Variants in XIRP2 observed in about 807,000 individuals in gnomAD.
XIRP2 encodes the protein xin actin binding repeat containing 2.
XIRP2 carries 236 observed loss-of-function variants against 277.0 expected under a neutral mutation model. The observed-to-expected ratio is 0.85, with a 90% CI of 0.77 to 0.95. The LOEUF is 0.95. XIRP2 is among the 40% of genes least tolerant of loss of function. The pLI is 0.00. For missense variants in XIRP2, 4,640 were observed against 4,157.5 expected, an observed-to-expected ratio of 1.12 and a Z score of -3.19; for synonymous variants, 1,490 against 1,416.5, an observed-to-expected ratio of 1.05 and a Z score of -1.17.
At chr2:167,049,039 A>C (rs909907405) in intron 2 of XIRP2, among the ~76,000 whole-genome samples, 1 of 151,698 alleles carries the variant, frequency 6.6e-6, no homozygotes, top group African/African-American at 2.4e-5. Flanking sequence ...TCCCTACCTA[A>C]GGGTAGGCAA....
At chr2:166,939,699 C>CAAAA (rs796839379) in intron 2 of XIRP2, among the ~76,000 whole-genome samples, 1 of 120,474 alleles carries the variant, frequency 8.3e-6, no homozygotes, top group Non-Finnish European at 1.7e-5. Context: ...AAAAAAAAAA[C>CAAAA]AAAAAACAAA....
chr2:167,258,574 A>G lies in XIRP2; in HGVS notation c.*757A>G. On this transcript the variant is annotated 3_prime_UTR_variant, in exon 11 of 11. Transcript: ENST00000409195. ...GTGCTGAAAAGGAGAAAAATGAAAA[A>G]ACTAACCAAACTAATGGTGCAGAAG... 6.2e-7 allele frequency: 1 copy of G among 1,613,058 alleles called. No individual in the cohort carries two copies. The highest frequency in any genetic ancestry group is 1.3e-5 in the African/African-American group (1 of 74,944).
At chr2:167,235,485 C>T (rs1204016747) in intron 5 of XIRP2, among the ~76,000 whole-genome samples, 1 of 151,904 alleles carries the variant, frequency 6.6e-6, no homozygotes, top group African/African-American at 2.4e-5. Context: ...TACTCCTTGA[C>T]ATTTTATTGG....
chr2:167,057,731 AC>A (rs1207569559), intron 2 of XIRP2, among the ~76,000 whole-genome samples: 8 of 152,182 alleles, frequency 5.3e-5, no homozygotes, highest in African/African-American at 1.9e-4. Flanking sequence ...AATAGAGACA[AC>A]CATAAATCCT....
rs746007278 is a variant in XIRP2 at position 167,251,350 on chromosome 2, C to T, written c.9958C>T (p.Gln3320Ter). 6.2e-7 allele frequency: 1 copy of T among 1,613,512 alleles called. No homozygotes were observed. The highest frequency in any genetic ancestry group is 8.5e-7 in the Non-Finnish European group (1 of 1,179,646). The change falls in exon 9 of 11, where the codon CAA (glutamine) becomes TAA (stop). Residue 3320 changes from glutamine (Q) to a stop codon, truncating the protein, a stop_gained. Transcript: ENST00000409195. LOFTEE classifies it high-confidence loss of function. Reference sequence around the variant, plus strand: ...ATATGAAGCGGCCAACCGAACTGTTCAAATGGCTGAAAATTTCGTGAATGA... The same window carrying T: ...ATATGAAGCGGCCAACCGAACTGTTTAAATGGCTGAAAATTTCGTGAATGA... ...QRYEAANRTV[Q>*]MAENFVNDPE...
intron 2 of XIRP2, among the ~76,000 whole-genome samples, chr2:167,105,639 A>G (rs1690597899): frequency 6.6e-6 from 1 of 151,886 alleles, no homozygotes; most frequent in African/African-American, 2.4e-5. Context: ...AGGTTCTTGT[A>G]TGAATATGAA....
rs1574162683 is a variant in XIRP2 at position 167,013,331 on chromosome 2, A to T, written c.408+109441A>T. Among the ~76,000 whole-genome samples, 3 of 151,542 alleles carry T rather than the reference A, an allele frequency of 2.0e-5. No individual in the cohort carries two copies. In the South Asian group the frequency reaches 6.2e-4, roughly 31 times the overall value. On this transcript the variant is annotated intron_variant, in intron 2 of 10. Transcript: ENST00000409195. ...GTATATTATTTTTAATGTAGAGCAC[A>T]TAGGAAAAAAACAATTCTAGACTGA...
chr2:167,002,197 T>C (rs1687392261), intron 2 of XIRP2, among the ~76,000 whole-genome samples: 1 of 152,062 alleles, frequency 6.6e-6, no homozygotes, highest in Admixed American at 6.6e-5. Flanking sequence ...AATTTTAAAA[T>C]CAGATTTATT....
chr2:167,034,764 T>A (rs1350100424), intron 2 of XIRP2, among the ~76,000 whole-genome samples: 1 of 152,204 alleles, frequency 6.6e-6, no homozygotes, highest in Non-Finnish European at 1.5e-5. Flanking sequence ...ACGCACCCAA[T>A]GCTGGATCAC....
chr2:167,257,411 A>G (rs1230910118), intron 10 of XIRP2, among the ~76,000 whole-genome samples: 1 of 151,938 alleles, frequency 6.6e-6, no homozygotes, highest in Non-Finnish European at 1.5e-5. Flanking sequence ...CAATTTGTTA[A>G]TCTCCTTAAA....
intron 3 of XIRP2, among the ~76,000 whole-genome samples, chr2:167,203,601 T>G (rs1039705779): frequency 9.9e-5 from 15 of 152,200 alleles, no homozygotes; most frequent in African/African-American, 3.6e-4. Flanking sequence ...CTTCTCCATG[T>G]TTTTTAAGAA....
At chr2:167,226,470 A>G (rs1176126771) in intron 5 of XIRP2, among the ~76,000 whole-genome samples, 1 of 152,210 alleles carries the variant, frequency 6.6e-6, no homozygotes, top group Non-Finnish European at 1.5e-5. Context: ...TGCTCAAGTT[A>G]TGAAGTAAAT....
rs1238854525 is a variant in XIRP2, at chr2:167,246,085, A to C, written c.4693A>C (p.Ile1565Leu). 2 of 1,613,714 alleles carry C rather than the reference A, an allele frequency of 1.2e-6. No individual in the cohort carries two copies. The highest frequency in any genetic ancestry group is 4.5e-5 in the East Asian group (2 of 44,834). ...TLEDLYSQKV[I>L]QAPGIIIEAD... ...AGAAGATCTCTACTCTCAAAAAGTT[A>C]TCCAGGCTCCTGGAATCATCATTGA... The change falls in exon 9 of 11, where the codon ATC (isoleucine) becomes CTC (leucine). Residue 1565 changes from isoleucine to leucine, a missense_variant. Physicochemically the swap from Ile to Leu is conservative, Grantham distance 5. Coordinates refer to ENST00000409195, the MANE Select transcript of XIRP2 (RefSeq NM_152381.6).
chr2:167,219,932 C>T (rs1264853002), intron 5 of XIRP2, among the ~76,000 whole-genome samples: 1 of 152,080 alleles, frequency 6.6e-6, no homozygotes, highest in East Asian at 1.9e-4. Context: ...AGAAAACCCC[C>T]CAAAAATGGC....
intron 2 of XIRP2, among the ~76,000 whole-genome samples, chr2:167,110,625 CT>C (rs1690725950): frequency 6.6e-6 from 1 of 152,022 alleles, no homozygotes; most frequent in African/African-American, 2.4e-5. Context: ...CAGCTTTGTT[CT>C]TTTTGCTTTG....
At position 167,258,082 on chromosome 2, in the gene XIRP2, A is replaced by G; in HGVS notation, c.*265A>G. On this transcript the variant is annotated 3_prime_UTR_variant, in exon 11 of 11. Transcript: ENST00000409195. ...CCCTTGTACCTGGAGATCGTAATGA[A>G]CATTTAGATGCTGGTAACAGTGAAG... The G allele has an allele frequency of 6.2e-7, 1 of 1,613,128 alleles. No individual in the cohort carries two copies. Among genetic ancestry groups the G allele is most frequent in the Non-Finnish European group, 8.5e-7 (1 of 1,179,546 alleles).
chr2:167,051,993 G>T (rs1688925337), intron 2 of XIRP2, among the ~76,000 whole-genome samples: 1 of 151,926 alleles, frequency 6.6e-6, no homozygotes, highest in African/African-American at 2.4e-5. Context: ...CATTTCAAGT[G>T]TTTAAGCATA....
intron 3 of XIRP2, among the ~76,000 whole-genome samples, chr2:167,142,247 A>C (rs1417542640): frequency 1.3e-5 from 2 of 152,166 alleles, no homozygotes; most frequent in East Asian, 3.9e-4. Flanking sequence ...ACCAGGAATT[A>C]GTTATTATAA....
Position 167,136,043 on chromosome 2 carries a change from T to C in XIRP2, c.543T>C (p.Gly181=), listed in dbSNP as rs1691540860. ...TSFDKMSPES[G]HSRIFEATAG... is the part of the protein sequence containing the mutation. ...TTGACAAGATGTCACCTGAAAGTGG[T>C]CACAGCCGCATCTTTGAAGGTTAGC... The change falls in exon 3 of 11, where the codon GGT becomes GGC. Residue 181 remains glycine, a synonymous_variant. Transcript: ENST00000409195. 1 of 1,606,222 alleles carries C rather than the reference T, an allele frequency of 6.2e-7. No individual in the cohort carries two copies. The highest frequency in any genetic ancestry group is 1.3e-5 in the African/African-American group (1 of 74,628).
Sources: gnomAD v4.1 joint callset for allele counts (sites outside exome capture counted in the v4.1 genomes callset) on GRCh38, gnomAD v4.1.1 for gene constraint, MANE v1.5 for transcripts, NCBI Gene and HGNC (gene_info 2026-07-23, HGNC 2026-07-21) for gene names.